FKBP5: variants seen among roughly 807,000 people sequenced by gnomAD.
The protein encoded by FKBP5 is FKBP prolyl isomerase 5.
FKBP5 carries 23 observed loss-of-function variants against 50.5 expected under a neutral mutation model. The ratio of observed to expected loss-of-function variants is 0.46; its 90% CI spans 0.33 to 0.65. The LOEUF is 0.65. Ranked by LOEUF, FKBP5 falls within the 30% of genes least tolerant of loss-of-function variation. The pLI, the probability that FKBP5 is intolerant of heterozygous loss-of-function variation, is 0.02. For missense variants in FKBP5, 411 were observed against 553.1 expected, an observed-to-expected ratio of 0.74 and a Z score of 2.58; for synonymous variants, 176 against 190.6, an observed-to-expected ratio of 0.92 and a Z score of 0.63.
chr6:35,673,231 T>G (rs1765436469), intron 1 of FKBP5, among the ~76,000 whole-genome samples: 1 of 152,184 alleles, frequency 6.6e-6, no homozygotes, highest in African/African-American at 2.4e-5. Flanking sequence ...CATACCATTA[T>G]GTGTTGTGTG....
At chr6:35,720,396 C>CT (rs1251375766) in exon 2 of FKBP5, 2 of 152,590 alleles carry the variant, frequency 1.3e-5, no homozygotes. Context: ...GTCTAGCCTT[C>CT]TGCAGCGTGG....
intron 1 of FKBP5, among the ~76,000 whole-genome samples, chr6:35,657,344 C>T (rs1478227998): frequency 6.6e-6 from 1 of 152,208 alleles, no homozygotes; most frequent in Non-Finnish European, 1.5e-5. Flanking sequence ...AAGGTGTTGG[C>T]AGGGCTGCAT....
chr6:35,589,734 T>C (rs1366124312), intron 7 of FKBP5, among the ~76,000 whole-genome samples: 1 of 152,180 alleles, frequency 6.6e-6, no homozygotes, highest in East Asian at 1.9e-4. Flanking sequence ...AAAAACACCA[T>C]ATGCTATGAC....
At chr6:35,703,436 C>A (rs944364157) in intron 2 of FKBP5, among the ~76,000 whole-genome samples, 13 of 151,882 alleles carry the variant, frequency 8.6e-5, no homozygotes, top group African/African-American at 3.1e-4. Flanking sequence ...AAGTTAAATC[C>A]CAACACATAG....
At chr6:35,582,512 T>G in intron 8 of FKBP5, 1 of 419,272 alleles carries the variant, frequency 2.4e-6, no homozygotes, top group Non-Finnish European at 3.2e-6. Flanking sequence ...GGAAAGGCCA[T>G]GTGAGAACAC....
At chr6:35,617,894 G>A (rs1763710006) in intron 5 of FKBP5, among the ~76,000 whole-genome samples, 2 of 152,160 alleles carry the variant, frequency 1.3e-5, no homozygotes, top group Non-Finnish European at 1.5e-5. Context: ...CTCCCACTTA[G>A]CAAATGAAGA....
At chr6:35,632,340 C>A (rs1307911231) in intron 3 of FKBP5, among the ~76,000 whole-genome samples, 2 of 152,052 alleles carry the variant, frequency 1.3e-5, no homozygotes, top group Non-Finnish European at 2.9e-5. Context: ...GCATAGTCAA[C>A]AGATGAAGTC....
chr6:35,683,228 C>T (rs1396703683), intron 1 of FKBP5, among the ~76,000 whole-genome samples: 3 of 149,742 alleles, frequency 2.0e-5, no homozygotes, highest in African/African-American at 7.4e-5. Context: ...TGGTGGCTCA[C>T]TGCAGCACTG....
chr6:35,717,983 C>T (rs1280163126), intron 2 of FKBP5, among the ~76,000 whole-genome samples: 1 of 152,104 alleles, frequency 6.6e-6, no homozygotes, highest in Non-Finnish European at 1.5e-5. Flanking sequence ...ATTCCTCCAA[C>T]GGTGGCTGGC....
chr6:35,679,396 G>A (rs540973742), intron 1 of FKBP5, among the ~76,000 whole-genome samples: 2 of 152,254 alleles, frequency 1.3e-5, no homozygotes, highest in African/African-American at 4.8e-5. Flanking sequence ...GACCATAAAA[G>A]GGGAAAAGGC....
At chr6:35,630,075 G>A (rs1257998117) in intron 3 of FKBP5, among the ~76,000 whole-genome samples, 1 of 151,912 alleles carries the variant, frequency 6.6e-6, no homozygotes, top group Non-Finnish European at 1.5e-5. Context: ...GTTCAATGCT[G>A]TAGTGAGTTA....
chr6:35,642,818 T>TAGTC lies in FKBP5; in HGVS notation c.3_6dup (p.Thr3AspfsTer3). 1 of 1,613,418 alleles carries TAGTC rather than the reference T, an allele frequency of 6.2e-7. No homozygotes were observed. Among genetic ancestry groups the TAGTC allele is most frequent in the Non-Finnish European group, 8.5e-7 (1 of 1,179,676 alleles). ...TCATTGTTCTTGGCACCTTCATCAG[T>TAGTC]AGTCATTGTCTTTTAAGTAGAGAAC... On this transcript the variant is annotated frameshift_variant, in exon 2 of 11. Coordinates refer to ENST00000357266, the MANE Select transcript of FKBP5 (RefSeq NM_004117.4). LOFTEE classifies it high-confidence loss of function.
At chr6:35,626,716 A>G (rs1326294727) in intron 3 of FKBP5, among the ~76,000 whole-genome samples, 2 of 152,222 alleles carry the variant, frequency 1.3e-5, no homozygotes, top group African/African-American at 4.8e-5. Flanking sequence ...GATAACTCAT[A>G]TAAGTGGAAT....
At chr6:35,682,846 G>C (rs1422812121) in intron 1 of FKBP5, among the ~76,000 whole-genome samples, 4 of 149,518 alleles carry the variant, frequency 2.7e-5, no homozygotes, top group Non-Finnish European at 5.9e-5. Context: ...AGTTTGTGTC[G>C]AGGCTGCAGT....
intron 5 of FKBP5, among the ~76,000 whole-genome samples, chr6:35,610,099 G>A (rs963117006): frequency 6.6e-6 from 1 of 152,252 alleles, no homozygotes; most frequent in African/African-American, 2.4e-5. Context: ...TTCTGCAAAA[G>A]GATGGGCTGA....
intron 7 of FKBP5, among the ~76,000 whole-genome samples, chr6:35,590,418 A>C (rs1434679834): frequency 1.3e-5 from 2 of 152,228 alleles, no homozygotes; most frequent in African/African-American, 4.8e-5. Context: ...TGCCAGGGGC[A>C]CGTGGCCGAA....
At chr6:35,606,705 AG>A (rs1441758016) in intron 5 of FKBP5, among the ~76,000 whole-genome samples, 168 of 149,954 alleles carry the variant, frequency 1.1e-3, no homozygotes, top group African/African-American at 3.9e-3. Flanking sequence ...AAGTCAAAAA[AG>A]AACAGATGTT....
chr6:35,712,181 T>C (rs1458913172), intron 2 of FKBP5, among the ~76,000 whole-genome samples: 1 of 152,116 alleles, frequency 6.6e-6, no homozygotes, highest in Non-Finnish European at 1.5e-5. Context: ...CTGGCCTCTC[T>C]GTATTTTCTA....
At chr6:35,699,287 A>G (rs1420332621) in intron 2 of FKBP5, among the ~76,000 whole-genome samples, 5 of 152,176 alleles carry the variant, frequency 3.3e-5, no homozygotes, top group Non-Finnish European at 7.3e-5. Context: ...CTTCCTCCAC[A>G]GGGCAAATAT....
Sources: gnomAD v4.1 joint callset for allele counts (sites outside exome capture counted in the v4.1 genomes callset) on GRCh38, gnomAD v4.1.1 for gene constraint, MANE v1.5 for transcripts, NCBI Gene and HGNC (gene_info 2026-07-23, HGNC 2026-07-21) for gene names.